The following GART variants were observed in gnomAD, a reference collection of about 807,000 sequenced individuals.
The protein encoded by GART is trifunctional purine biosynthetic protein adenosine-3.
A neutral mutation model predicts 107.2 loss-of-function variants in GART; 43 were observed. The ratio of observed to expected loss-of-function variants is 0.40; its 90% CI spans 0.31 to 0.52. The LOEUF (loss-of-function observed/expected upper bound fraction) is 0.52, where lower values mean the gene tolerates loss of function less well. Among genes scored for constraint, GART ranks in the 20% least tolerant of loss-of-function variants. The pLI is 0.52. For missense variants in GART, 1,107 were observed against 1,206.5 expected (o/e 0.92, Z 1.22); for synonymous variants, 434 against 427.0 (o/e 1.02, Z -0.20).
Position 33,516,994 on chromosome 21 carries a change from T to G in GART, c.2102A>C (p.Asp701Ala). 6.3e-7 allele frequency: 1 copy of G among 1,595,626 alleles called. No homozygotes were observed. The highest frequency in any genetic ancestry group is 1.2e-5 in the South Asian group (1 of 86,948). The change falls in exon 16 of 22, where the codon GAT becomes GCT. Residue 701 changes from aspartate to alanine, a missense_variant. Transcript: ENST00000381815. ...PRVLPEKLGV[D>A]LDAQTWRIPR... is the part of the protein sequence containing the mutation. ...GTTCGTTTTAGTGATCTTACCTAAA[T>G]CTACCCCAAGTTTCTCAGGGAGGAC...
chr21:33,539,820 G>A (rs547726104), intron 1 of GART, among the ~76,000 whole-genome samples: 39 of 152,080 alleles, frequency 2.6e-4, no homozygotes, highest in African/African-American at 7.7e-4. Context: ...TATGACTGTC[G>A]TCATAAGCAT....
At chr21:33,537,414 T>C (rs2085325926) in intron 2 of GART, among the ~76,000 whole-genome samples, 1 of 152,242 alleles carries the variant, frequency 6.6e-6, no homozygotes, top group Non-Finnish European at 1.5e-5. Context: ...AACTAAGCAC[T>C]GTGCACACCA....
chr21:33,517,513 G>T lies in GART; in HGVS notation c.1798C>A (p.Pro600Thr). 2 of 1,614,128 alleles carry T rather than the reference G, an allele frequency of 1.2e-6. No individual in the cohort carries two copies. The highest frequency in any genetic ancestry group is 2.2e-5 in the South Asian group (2 of 91,078). Residue 600 changes from proline (P) to threonine (T), a missense_variant, in exon 15 of 22, where the codon CCT (proline) becomes ACT (threonine). By Grantham distance (38) the Pro-to-Thr change is conservative (BLOSUM62 -1). Coordinates refer to ENST00000381815, the MANE Select transcript of GART (RefSeq NM_000819.5). The stretch of plus-strand genomic sequence containing the variant: ...CCCTCAGTGATTCTTTCCAGGTGAG[G>T]GAGTTTCTGATCTCGCTCCATGGCA... ...VGAMERDQKLPHLERITEGDV... is the reference protein window; with the variant it reads ...VGAMERDQKLTHLERITEGDV...
intron 7 of GART, among the ~76,000 whole-genome samples, chr21:33,529,414 T>C (rs900582733): frequency 3.3e-5 from 5 of 150,606 alleles, no homozygotes; most frequent in Non-Finnish European, 5.9e-5. Context: ...CCTACACTTA[T>C]GAAGTCTTTT....
chr21:33,510,703 T>C (rs556393659), intron 17 of GART, among the ~76,000 whole-genome samples: 11 of 152,248 alleles, frequency 7.2e-5, no homozygotes, highest in Admixed American at 2.0e-4. Flanking sequence ...CGCTTGAAAA[T>C]GAATCCTACA....
At chr21:33,513,225 G>T (rs1019440949) in intron 16 of GART, among the ~76,000 whole-genome samples, 3 of 148,538 alleles carry the variant, frequency 2.0e-5, no homozygotes, top group Non-Finnish European at 4.5e-5. Flanking sequence ...TCAGCCTCCC[G>T]AAGTGCTGGA....
At chr21:33,539,702 A>C (rs1256239969) in intron 1 of GART, among the ~76,000 whole-genome samples, 2 of 152,146 alleles carry the variant, frequency 1.3e-5, no homozygotes, top group African/African-American at 4.8e-5. Context: ...AAAAAAAAAA[A>C]GAAATCCAGA....
chr21:33,539,018 G>A (rs1347798846), intron 2 of GART, among the ~76,000 whole-genome samples, 153 bp downstream of exon 2: 3 of 152,172 alleles, frequency 2.0e-5, no homozygotes, highest in Non-Finnish European at 2.9e-5. Flanking sequence ...CTGACCTCAT[G>A]ATCCGCATAT....
chr21:33,532,487 A>G (rs779507115), intron 4 of GART, 31 bp from the exon 5 acceptor site: 15 of 1,479,098 alleles, frequency 1.0e-5, no homozygotes, highest in Middle Eastern at 1.7e-4. Context: ...TCAACATCCA[A>G]TAAACCATTA....
Position 33,504,030 on chromosome 21 carries a change from A to G in GART, c.*94T>C. 8.7e-7 allele frequency: 1 copy of G among 1,153,580 alleles called. No homozygotes were observed. Among genetic ancestry groups the G allele is most frequent in the Non-Finnish European group, 1.2e-6 (1 of 824,976 alleles). The allele number at this position is 1,153,580 out of a possible 1,614,324, so 71.5% of individuals were successfully genotyped here. On this transcript the variant is annotated 3_prime_UTR_variant, in exon 22 of 22. Transcript: ENST00000381815. ...GGTGAGGTCTTTTTTGTCTTTTAGC[A>G]GTTTTTCTTTTGGGCCAAGTCCATG... is the stretch of plus-strand genomic sequence containing the variant.
chr21:33,530,559 T>C (rs2085166194), intron 7 of GART, among the ~76,000 whole-genome samples, 200 bp downstream of exon 7: 1 of 152,266 alleles, frequency 6.6e-6, no homozygotes, highest in South Asian at 2.1e-4. Flanking sequence ...TAGATTGGCT[T>C]ATTTTAGTTC....
At chr21:33,540,693 C>T (rs1038660081) in intron 1 of GART, among the ~76,000 whole-genome samples, 1 of 152,080 alleles carries the variant, frequency 6.6e-6, no homozygotes, top group Admixed American at 6.5e-5. Flanking sequence ...ATTTACTTAC[C>T]ACAAGACAAA....
intron 14 of GART, among the ~76,000 whole-genome samples, chr21:33,519,320 G>C (rs1213436927): frequency 1.3e-5 from 2 of 152,078 alleles, no homozygotes; most frequent in Admixed American, 1.3e-4. Context: ...TTGGGAGGCC[G>C]AGGCAGGCAG....
At chr21:33,523,694 C>T (rs535468028) in intron 11 of GART, among the ~76,000 whole-genome samples, 3 of 152,246 alleles carry the variant, frequency 2.0e-5, no homozygotes, top group Non-Finnish European at 4.4e-5. Context: ...AGGCCGGGCA[C>T]GGTGGCTCAC....
chr21:33,509,893 A>G lies in GART; in HGVS notation c.2342T>C (p.Leu781Pro). Reference protein sequence around the residue: ...EGSPRVKVKNLIESMQINGSV... With the variant: ...EGSPRVKVKNPIESMQINGSV... Reference sequence around the variant, plus strand: ...CCCATTTATTTGCATGCTTTCAATCAGATTCTTGACTTTCACACGTGGGGA... The same window carrying G: ...CCCATTTATTTGCATGCTTTCAATCGGATTCTTGACTTTCACACGTGGGGA... Residue 781 changes from leucine (L) to proline (P), a missense_variant, in exon 18 of 22, where the codon CTG (leucine) becomes CCG (proline). By Grantham distance (98) the Leu-to-Pro change is moderately conservative. Transcript: ENST00000381815. The G allele has an allele frequency of 6.2e-7, 1 of 1,613,426 alleles. No homozygotes were observed. The highest frequency in any genetic ancestry group is 8.5e-7 in the Non-Finnish European group (1 of 1,179,686).
At chr21:33,539,461 G>A (rs1360022719) in intron 1 of GART, 105 bp from the exon 2 acceptor site, 6 of 721,222 alleles carry the variant, frequency 8.3e-6, no homozygotes, top group Non-Finnish European at 1.3e-5. Context: ...GGGAGGCCGA[G>A]GCAGGTGGAT....
chr21:33,540,007 TATAAA>T (rs1309970026), intron 1 of GART, among the ~76,000 whole-genome samples: 4 of 152,210 alleles, frequency 2.6e-5, no homozygotes, highest in African/African-American at 9.6e-5. Context: ...CAAAATGTAT[TATAAA>T]ATATCAATTT....
chr21:33,520,454 A>G lies in GART; in HGVS notation c.1612T>C (p.Phe538Leu). 8.7e-6 allele frequency: 14 copies of G among 1,614,170 alleles called. No individual in the cohort carries two copies. The highest frequency in any genetic ancestry group is 1.2e-5 in the Non-Finnish European group (14 of 1,179,988). Residue 538 changes from phenylalanine (F) to leucine (L), a missense_variant, in exon 14 of 22, where the codon TTT (phenylalanine) becomes CTT (leucine). Coordinates refer to ENST00000381815, the MANE Select transcript of GART (RefSeq NM_000819.5). The part of the protein sequence containing the change: ...GAEPLFFLDY[F>L]SCGKLDLSVT... ...CTGAGGTCAAGTTTTCCACAGGAAAAGTAATCAAGGAAGAAGAGGGGCTCT... is the reference window on the plus strand; with the variant it reads ...CTGAGGTCAAGTTTTCCACAGGAAAGGTAATCAAGGAAGAAGAGGGGCTCT...
chr21:33,532,593 C>T (rs2085214088), intron 4 of GART, 137 bp from the exon 5 acceptor site: 1 of 684,014 alleles, frequency 1.5e-6, no homozygotes, highest in Non-Finnish European at 2.5e-6. Context: ...CATTCCAACA[C>T]ATTTTGATGT....
Sources: allele counts gnomAD v4.1 joint callset (sites outside exome capture counted in the v4.1 genomes callset), GRCh38; gene constraint gnomAD v4.1.1; transcripts MANE v1.5; gene names NCBI Gene and HGNC (gene_info 2026-07-23, HGNC 2026-07-21).